Variants in ATP6V1H observed in about 807,000 individuals in gnomAD.
The protein encoded by ATP6V1H is ATPase H+ transporting V1 subunit H.
In ATP6V1H, 39 loss-of-function variants were observed where a neutral mutation model predicts 71.7. The observed-to-expected ratio is 0.54, with a 90% confidence interval of 0.42 to 0.71. The LOEUF is 0.71. Ranked by LOEUF, ATP6V1H falls within the 30% of genes least tolerant of loss-of-function variation. The pLI, the probability that ATP6V1H is intolerant of heterozygous loss-of-function variation, is 0.00. For missense variants in ATP6V1H, 509 were observed against 594.9 expected (o/e 0.86, Z 1.50); for synonymous variants, 192 against 199.3 (o/e 0.96, Z 0.31).
chr8:53,717,387 T>C (rs985028526), intron 13 of ATP6V1H, among the ~76,000 whole-genome samples: 2 of 152,200 alleles, frequency 1.3e-5, no homozygotes, highest in African/African-American at 4.8e-5. Flanking sequence ...CCAAAGGCTG[T>C]TCATTTTTTA....
At chr8:53,751,686 T>C (rs1807803582) in intron 12 of ATP6V1H, among the ~76,000 whole-genome samples, 1 of 152,004 alleles carries the variant, frequency 6.6e-6, no homozygotes, top group Admixed American at 6.6e-5. Context: ...TTTTTTTTTT[T>C]CGAGACAGAG....
intron 4 of ATP6V1H, among the ~76,000 whole-genome samples, chr8:53,821,041 ATAAAAC>A (rs1362241525): frequency 1.3e-5 from 2 of 149,204 alleles, no homozygotes; most frequent in African/African-American, 5.0e-5. Flanking sequence ...GAGAAAGAGA[ATAAAAC>A]AAACAAACTG....
At chr8:53,798,228 T>A (rs1651977380) in intron 8 of ATP6V1H, among the ~76,000 whole-genome samples, 2 of 152,166 alleles carry the variant, frequency 1.3e-5, no homozygotes, top group Non-Finnish European at 2.9e-5. Flanking sequence ...TGGGTTTTTT[T>A]AAGACCTCAG....
At chr8:53,804,645 G>C (rs1810020744) in intron 7 of ATP6V1H, among the ~76,000 whole-genome samples, 1 of 152,192 alleles carries the variant, frequency 6.6e-6, no homozygotes, top group African/African-American at 2.4e-5. Flanking sequence ...CTGAACTCCA[G>C]CCTGGGCAAC....
At chr8:53,777,127 G>A (rs1021297209) in intron 9 of ATP6V1H, among the ~76,000 whole-genome samples, 1 of 152,182 alleles carries the variant, frequency 6.6e-6, no homozygotes, top group Non-Finnish European at 1.5e-5. Flanking sequence ...CAGAAGGCAA[G>A]GATAAGTAAA....
At chr8:53,725,050 T>A (rs531555200) in intron 13 of ATP6V1H, among the ~76,000 whole-genome samples, 1 of 152,320 alleles carries the variant, frequency 6.6e-6, no homozygotes, top group African/African-American at 2.4e-5. Context: ...CTTTCTGCTA[T>A]GGTTTGAGTA....
intron 5 of ATP6V1H, among the ~76,000 whole-genome samples, chr8:53,816,444 C>T (rs1810452936): frequency 6.6e-6 from 1 of 152,204 alleles, no homozygotes; most frequent in African/African-American, 2.4e-5. Context: ...CTCAACCCTG[C>T]TTTCAGATTC....
At position 53,817,582 on chromosome 8, in the gene ATP6V1H, A is replaced by G. The variant is rs776179681; in HGVS notation, c.307-52T>C. The G allele has an allele frequency of 1.2e-5, 14 of 1,122,286 alleles. No homozygotes were observed. In the Admixed American group the frequency reaches 1.5e-4, roughly 12 times the overall value. The allele number at this position is 1,122,286 out of a possible 1,614,324, so 69.5% of individuals were successfully genotyped here. ...CAGTCAGAACACATTTTGCTAAAGA[A>G]TGTAACGACTGTGCACCACTTCTCA... On this transcript the variant is annotated intron_variant, in intron 4 of 13. Coordinates refer to ENST00000359530, the MANE Select transcript of ATP6V1H (RefSeq NM_015941.4).
chr8:53,782,974 G>T (rs895291137), intron 9 of ATP6V1H, among the ~76,000 whole-genome samples: 2 of 152,158 alleles, frequency 1.3e-5, no homozygotes, highest in African/African-American at 4.8e-5. Flanking sequence ...TTGCATCAAT[G>T]TTCATCAAGG....
chr8:53,805,084 A>G (rs1810035430), intron 7 of ATP6V1H, among the ~76,000 whole-genome samples: 1 of 152,288 alleles, frequency 6.6e-6, no homozygotes, highest in African/African-American at 2.4e-5. Context: ...TACTGTATGT[A>G]CAAAGTAAAA....
intron 12 of ATP6V1H, among the ~76,000 whole-genome samples, chr8:53,756,056 T>G (rs1808044093): frequency 7.1e-6 from 1 of 141,320 alleles, no homozygotes; most frequent in Admixed American, 7.2e-5. Flanking sequence ...TTTTATACTA[T>G]TCTTTTTCTT....
chr8:53,717,408 A>C lies in ATP6V1H; in HGVS notation c.1392-1384T>G, dbSNP rs139641862. On this transcript the variant is annotated intron_variant, in intron 13 of 13. Coordinates refer to ENST00000359530, the MANE Select transcript of ATP6V1H (RefSeq NM_015941.4). ...GCTGTTCATTTTTTAATACCATGAG[A>C]CTGAATGAAGCATCCCAGGACATGA... 2.3e-3 allele frequency among the ~76,000 whole-genome samples: 344 copies of C among 152,272 alleles called. 2 individuals carry two copies. Among genetic ancestry groups the C allele is most frequent in the African/African-American group, 8.0e-3 (333 of 41,536 alleles).
chr8:53,775,597 G>T (rs112108057), intron 9 of ATP6V1H, among the ~76,000 whole-genome samples: 33 of 152,138 alleles, frequency 2.2e-4, no homozygotes, highest in African/African-American at 7.7e-4. Context: ...ACAGAGTGTC[G>T]ATTGGTGCAC....
intron 13 of ATP6V1H, among the ~76,000 whole-genome samples, chr8:53,736,894 T>C (rs753666920): frequency 3.3e-5 from 5 of 152,256 alleles, no homozygotes; most frequent in Non-Finnish European, 5.9e-5. Context: ...ACCCCAGGCC[T>C]GGTCTGGTAG....
chr8:53,771,880 C>T (rs1376352041), intron 10 of ATP6V1H, 109 bp downstream of exon 10: 2 of 941,030 alleles, frequency 2.1e-6, no homozygotes, highest in Non-Finnish European at 3.2e-6. Context: ...TTTTAGTGGA[C>T]TCTCTTGATT....
intron 12 of ATP6V1H, among the ~76,000 whole-genome samples, chr8:53,754,677 G>A (rs563751553): frequency 6.6e-6 from 1 of 152,350 alleles, no homozygotes; most frequent in African/African-American, 2.4e-5. Context: ...AAGAAGATGA[G>A]TTAATGCCTG....
intron 9 of ATP6V1H, among the ~76,000 whole-genome samples, chr8:53,773,111 G>C (rs150879469): frequency 6.6e-6 from 1 of 152,232 alleles, no homozygotes; most frequent in African/African-American, 2.4e-5. Flanking sequence ...AGTACCCTGA[G>C]AGTAGTTTGC....
intron 7 of ATP6V1H, among the ~76,000 whole-genome samples, chr8:53,807,278 T>C (rs529068694): frequency 6.6e-6 from 1 of 152,020 alleles, no homozygotes; most frequent in African/African-American, 2.4e-5. Context: ...GAAAACAATT[T>C]AAGGAATCTG....
intron 3 of ATP6V1H, chr8:53,832,630 A>G (rs1026142020): frequency 6.3e-6 from 1 of 158,726 alleles, no homozygotes; most frequent in Non-Finnish European, 1.4e-5. Context: ...CCATGTCATC[A>G]AAGTGATATC....
Sources: allele counts gnomAD v4.1 joint callset (sites outside exome capture counted in the v4.1 genomes callset), GRCh38; gene constraint gnomAD v4.1.1; transcripts MANE v1.5; gene names NCBI Gene and HGNC (gene_info 2026-07-23, HGNC 2026-07-21).